SLC39A12: variants seen among roughly 807,000 people sequenced by gnomAD.
SLC39A12 encodes zinc transporter ZIP12.
A neutral mutation model predicts 71.1 loss-of-function variants in SLC39A12; 63 were observed. That is an observed-to-expected ratio of 0.89 (90% CI 0.72 to 1.09). The LOEUF (loss-of-function observed/expected upper bound fraction) is 1.09, where lower values mean the gene tolerates loss of function less well. SLC39A12 is among the 50% of genes least tolerant of loss of function. The pLI is 0.00. For synonymous variants in SLC39A12, 351 were observed against 301.3 expected (o/e 1.16, Z -1.71); for missense variants, 892 against 812.6 (o/e 1.10, Z -1.19).
chr10:17,992,429 G>T (rs1405237137), intron 8 of SLC39A12, among the ~76,000 whole-genome samples: 1 of 152,120 alleles, frequency 6.6e-6, no homozygotes, highest in Non-Finnish European at 1.5e-5. Context: ...CTTTTCTTTG[G>T]CCTGGGGCCC....
chr10:17,952,188 G>A (rs886908008), intron 1 of SLC39A12, among the ~76,000 whole-genome samples, 163 bp downstream of exon 1: 2 of 152,078 alleles, frequency 1.3e-5, no homozygotes, highest in Non-Finnish European at 1.5e-5. Context: ...GGCCAGGATC[G>A]GACATGAGAT....
chr10:17,997,022 CAA>C (rs71924913), intron 10 of SLC39A12, among the ~76,000 whole-genome samples: 3 of 115,548 alleles, frequency 2.6e-5, no homozygotes, highest in Non-Finnish European at 5.1e-5. Flanking sequence ...GACTCCGTCT[CAA>C]AAAAAAAAAA....
intron 12 of SLC39A12, among the ~76,000 whole-genome samples, chr10:18,038,965 T>C (rs1434199815): frequency 6.6e-6 from 1 of 152,148 alleles, no homozygotes; most frequent in South Asian, 2.1e-4. Context: ...ACCAGAACCA[T>C]TTTTACTACC....
chr10:18,023,899 C>T (rs557705002), intron 12 of SLC39A12, among the ~76,000 whole-genome samples: 43 of 152,126 alleles, frequency 2.8e-4, no homozygotes, highest in Non-Finnish European at 5.7e-4. Flanking sequence ...GTAGCAGGGA[C>T]AGGGACCCCT....
At chr10:17,998,739 CT>C (rs1415746688) in intron 10 of SLC39A12, among the ~76,000 whole-genome samples, 1 of 152,138 alleles carries the variant, frequency 6.6e-6, no homozygotes, top group Non-Finnish European at 1.5e-5. Context: ...ATGGAGCTAT[CT>C]CCTAGACGGT....
chr10:17,962,558 T>G (rs1275467572), intron 3 of SLC39A12, among the ~76,000 whole-genome samples: 1 of 152,072 alleles, frequency 6.6e-6, no homozygotes, highest in African/African-American at 2.4e-5. Context: ...GGGTTTTTTT[T>G]TTTTTAAAGA....
chr10:18,004,831 C>T (rs1835963923), intron 12 of SLC39A12, among the ~76,000 whole-genome samples: 1 of 152,036 alleles, frequency 6.6e-6, no homozygotes, highest in East Asian at 1.9e-4. Context: ...ACCCAAGTGC[C>T]CATCAGTGAC....
chr10:18,016,701 C>A (rs1408507117), intron 12 of SLC39A12, among the ~76,000 whole-genome samples: 1 of 152,188 alleles, frequency 6.6e-6, no homozygotes, highest in African/African-American at 2.4e-5. Flanking sequence ...TCCTCACCAG[C>A]ACTTGTTGCT....
In SLC39A12 at chr10:17,953,250, C is replaced by G. The variant is rs782697776; in HGVS notation, c.-27C>G. ...GCAACACACTCACCTCCATCCAAGA[C>G]AGACTCAAGGTGGAGGAAGCGTGGA... On this transcript the variant is annotated 5_prime_UTR_variant, in exon 2 of 13. Coordinates refer to ENST00000377369, the MANE Select transcript of SLC39A12 (RefSeq NM_001145195.2). The G allele has an allele frequency of 1.2e-6, 2 of 1,609,020 alleles. No individual in the cohort carries two copies. The highest frequency in any genetic ancestry group is 3.3e-5 in the Admixed American group (2 of 59,726).
intron 12 of SLC39A12, among the ~76,000 whole-genome samples, chr10:18,033,627 G>A (rs1836914930): frequency 6.8e-6 from 1 of 146,798 alleles, no homozygotes; most frequent in Non-Finnish European, 1.5e-5. Flanking sequence ...ATTTTTTGAA[G>A]CGTTTTTTGT....
In SLC39A12 at chr10:17,987,657, C is replaced by T. The variant is rs17658718; in HGVS notation, c.1269+6C>T. 66,566 of 1,613,710 alleles carry T rather than the reference C, an allele frequency of 0.041. 1,881 individuals carry two copies. The highest frequency in any genetic ancestry group is 0.094 in the South Asian group (8,600 of 91,006). ...TGCTCCACCTTATCCCTCAGGTAATCTGGTCTTTTCCATTTCAGATAAAGT... is the reference window on the plus strand; with the variant it reads ...TGCTCCACCTTATCCCTCAGGTAATTTGGTCTTTTCCATTTCAGATAAAGT... On this transcript the variant is annotated splice_donor_region_variant and intron_variant, in intron 7 of 12. Coordinates refer to ENST00000377369, the MANE Select transcript of SLC39A12 (RefSeq NM_001145195.2).
chr10:18,008,086 AGT>A (rs2130855512), intron 12 of SLC39A12, among the ~76,000 whole-genome samples: 1 of 152,324 alleles, frequency 6.6e-6, no homozygotes, highest in South Asian at 2.1e-4. Flanking sequence ...AGCAAGTGGT[AGT>A]GATAGTTTCA....
chr10:17,989,015 C>G (rs1446214657), intron 7 of SLC39A12, among the ~76,000 whole-genome samples: 1 of 152,184 alleles, frequency 6.6e-6, no homozygotes. Flanking sequence ...CTAACAGTGT[C>G]TAGATTTCTC....
chr10:17,958,980 C>T (rs1024525892), intron 2 of SLC39A12, among the ~76,000 whole-genome samples: 1 of 152,036 alleles, frequency 6.6e-6, no homozygotes, highest in Non-Finnish European at 1.5e-5. Context: ...GATTATGCAC[C>T]AAGGAATAAC....
chr10:18,036,003 G>C (rs1468648564), intron 12 of SLC39A12, among the ~76,000 whole-genome samples: 24 of 152,294 alleles, frequency 1.6e-4, no homozygotes, highest in South Asian at 4.1e-4. Context: ...CAGTCTGCCG[G>C]TTCTCAGATC....
Position 17,981,310 on chromosome 10 carries a change from A to C in SLC39A12, c.925-2A>C. 1.9e-6 allele frequency: 3 copies of C among 1,603,964 alleles called. No individual in the cohort carries two copies. In the South Asian group the frequency reaches 3.3e-5, roughly 18 times the overall value. On this transcript the variant is annotated splice_acceptor_variant, in intron 5 of 12. Coordinates refer to ENST00000377369, the MANE Select transcript of SLC39A12 (RefSeq NM_001145195.2). LOFTEE classifies it high-confidence loss of function. ...TAACAATGTTATGTTTTCCTCACAC[A>C]GACCTGCTTCTCTGCTAGGCAGCTG...
chr10:18,002,896 C>G (rs1291555200), intron 11 of SLC39A12: 1 of 279,732 alleles, frequency 3.6e-6, no homozygotes, highest in Admixed American at 4.9e-5. Context: ...CAGAGGATAT[C>G]AAGAACTCAA....
chr10:18,000,891 G>T, intron 11 of SLC39A12, 66 bp downstream of exon 11: 2 of 1,429,730 alleles, frequency 1.4e-6, no homozygotes, highest in South Asian at 1.3e-5. Context: ...TTCCAGCTAT[G>T]GTTTACTAGG....
At chr10:18,013,608 G>C (rs1241796595) in intron 12 of SLC39A12, among the ~76,000 whole-genome samples, 6 of 152,150 alleles carry the variant, frequency 3.9e-5, no homozygotes, top group Non-Finnish European at 8.8e-5. Context: ...TTGGCTTCAA[G>C]TGATCCTCTT....
Sources: allele counts gnomAD v4.1 joint callset (sites outside exome capture counted in the v4.1 genomes callset), GRCh38; gene constraint gnomAD v4.1.1; transcripts MANE v1.5; gene names NCBI Gene and HGNC (gene_info 2026-07-23, HGNC 2026-07-21).